Variants in COQ8A observed in about 807,000 individuals in gnomAD.
COQ8A encodes atypical kinase COQ8A, mitochondrial.
Under a neutral mutation model 65.0 loss-of-function variants are expected in COQ8A, and 51 were observed. That is an observed-to-expected ratio of 0.78 (90% CI 0.63 to 0.99). The LOEUF (loss-of-function observed/expected upper bound fraction) is 0.99. Ranked by LOEUF, COQ8A falls within the 50% of genes least tolerant of loss-of-function variation. COQ8A has a pLI of 0.00. For synonymous variants in COQ8A, 371 were observed against 353.2 expected (o/e 1.05, Z -0.57); for missense variants, 940 against 875.0 (o/e 1.07, Z -0.94).
intron 2 of COQ8A, among the ~76,000 whole-genome samples, chr1:226,963,614 TA>T (rs1658383967): frequency 6.6e-6 from 1 of 152,214 alleles, no homozygotes; most frequent in African/African-American, 2.4e-5. Context: ...TTTTATTTTT[TA>T]TTTTTTTGAG....
At chr1:226,977,614 C>T (rs1659320318) in intron 5 of COQ8A, 91 bp downstream of exon 5, 3 of 1,407,528 alleles carry the variant, frequency 2.1e-6, no homozygotes, top group Non-Finnish European at 2.9e-6. Flanking sequence ...CTGGGAGTGT[C>T]AGCCAGCTGG....
chr1:226,966,619 C>T (rs570799557), intron 4 of COQ8A, among the ~76,000 whole-genome samples: 2 of 152,134 alleles, frequency 1.3e-5, no homozygotes, highest in Admixed American at 1.3e-4. Context: ...CTGTAGGCAG[C>T]AGAGGTCTGA....
At chr1:226,940,757 A>G (rs2147988163) in intron 1 of COQ8A, among the ~76,000 whole-genome samples, 1 of 152,258 alleles carries the variant, frequency 6.6e-6, no homozygotes, top group East Asian at 1.9e-4. Context: ...TCGCCAATAC[A>G]GCTTTGATGC....
intron 5 of COQ8A, among the ~76,000 whole-genome samples, chr1:226,979,171 C>G (rs1659541366): frequency 6.6e-6 from 1 of 152,238 alleles, no homozygotes; most frequent in South Asian, 2.1e-4. Flanking sequence ...CAGGGTCAGG[C>G]AGGTGGTCAG....
chr1:226,985,224 C>T, intron 13 of COQ8A, 30 bp from the exon 14 acceptor site: 1 of 1,608,854 alleles, frequency 6.2e-7, no homozygotes, highest in Non-Finnish European at 8.5e-7. Flanking sequence ...TTTCATGCTG[C>T]CCACGGTCCC....
At chr1:226,960,078 TTGGTGG>T (rs1189308765) in intron 1 of COQ8A, among the ~76,000 whole-genome samples, 1 of 145,372 alleles carries the variant, frequency 6.9e-6, no homozygotes, top group Non-Finnish European at 1.5e-5. Context: ...GTGGTGGTAC[TTGGTGG>T]TGGTGGTGGT....
intron 4 of COQ8A, among the ~76,000 whole-genome samples, chr1:226,966,285 TG>T (rs1572048832): frequency 6.6e-6 from 1 of 152,326 alleles, no homozygotes; most frequent in East Asian, 1.9e-4. Flanking sequence ...GTCTGTACTT[TG>T]GGGGGTTGAG....
chr1:226,969,508 T>A (rs1300619673), intron 4 of COQ8A, among the ~76,000 whole-genome samples: 1 of 152,178 alleles, frequency 6.6e-6, no homozygotes, highest in African/African-American at 2.4e-5. Context: ...AGTGCTAGGA[T>A]TACAGGCGTG....
intron 1 of COQ8A, among the ~76,000 whole-genome samples, chr1:226,943,905 T>C (rs920840099): frequency 6.6e-6 from 1 of 151,434 alleles, no homozygotes; most frequent in African/African-American, 2.4e-5. Flanking sequence ...ACTTGGTTTG[T>C]TCTGGAAATG....
Position 226,978,818 on chromosome 1 carries a change from CCATGCACACACCTCCTTA to C in COQ8A, c.730+1298_730+1315del, listed in dbSNP as rs546692467. On this transcript the variant is annotated intron_variant, in intron 5 of 14. Coordinates refer to ENST00000366777, the MANE Select transcript of COQ8A (RefSeq NM_020247.5). ...ACCCGCACAGCTCCTTACACACCCT[CCATGCACACACCTCCTTA>C]CACACCCACCTCATACCTGCACACC... Among the ~76,000 whole-genome samples, 41 of 114,044 alleles carry C rather than the reference CCATGCACACACCTCCTTA, an allele frequency of 3.6e-4. 3 individuals carry two copies. Among genetic ancestry groups the C allele is most frequent in the Non-Finnish European group, 6.6e-4 (35 of 52,694 alleles). The allele number at this position is 114,044 out of a possible 152,430, so 74.8% of individuals were successfully genotyped here.
Position 226,982,149 on chromosome 1 carries a change from G to A in COQ8A, c.853G>A (p.Asp285Asn), listed in dbSNP as rs376555052. 4 of 1,586,610 alleles carry A rather than the reference G, an allele frequency of 2.5e-6. No individual in the cohort carries two copies. In the African/African-American group the frequency reaches 4.1e-5, roughly 16 times the overall value. Residue 285 changes from aspartate (D) to asparagine (N), a missense_variant and splice_region_variant, in exon 6 of 15, where the codon GAT (aspartate) becomes AAT (asparagine). Transcript: ENST00000366777. ...LKLGQMLSIQ[D>N]DAFINPHLAK... ...GCTGGGCCAGATGCTGAGCATCCAG[G>A]GTGAGTGGGCGCGGGGGCTGCTGCC...
At chr1:226,963,414 G>A (rs982944997) in intron 2 of COQ8A, among the ~76,000 whole-genome samples, 23 of 151,702 alleles carry the variant, frequency 1.5e-4, no homozygotes, top group Non-Finnish European at 8.8e-5. Context: ...TACTGAGTCC[G>A]GGTCCCTTCG....
chr1:226,978,041 C>G (rs1219802090), intron 5 of COQ8A, among the ~76,000 whole-genome samples: 19 of 147,820 alleles, frequency 1.3e-4, no homozygotes, highest in African/African-American at 3.6e-4. Flanking sequence ...ACCTTACACA[C>G]CCCTTGCACA....
rs1264592392 is a variant in COQ8A, at chr1:226,949,548, T to G, written c.-10+9149T>G. Among the ~76,000 whole-genome samples the G allele has an allele frequency of 6.6e-6, 1 of 152,138 alleles. No homozygotes were observed. The highest frequency in any genetic ancestry group is 2.4e-5 in the African/African-American group (1 of 41,452). The stretch of plus-strand genomic sequence containing the variant: ...GTTTCGAAGCAGGCTGCCAGCACTT[T>G]GGACTGCCTCTCCTGAATGATGCCT... On this transcript the variant is annotated intron_variant, in intron 1 of 14. Coordinates refer to ENST00000366777, the MANE Select transcript of COQ8A (RefSeq NM_020247.5). This position sits in a 1 kb window ranked among gnomAD's most constrained non-coding sequence, Gnocchi z 4.0.
chr1:226,962,050 T>C (rs533058832), intron 2 of COQ8A, among the ~76,000 whole-genome samples: 1 of 152,314 alleles, frequency 6.6e-6, no homozygotes, highest in Non-Finnish European at 1.5e-5. Context: ...TAGGTTTCAG[T>C]GTGTGCACTT....
Position 226,982,942 on chromosome 1 carries a change from T to C in COQ8A, c.988T>C (p.Tyr330His). ...CCCCAACTGGCGGGACAAGTTGGAATACTTCGAGGAGCGGCCCTTCGCCGC... is the reference window on the plus strand; with the variant it reads ...CCCCAACTGGCGGGACAAGTTGGAACACTTCGAGGAGCGGCCCTTCGCCGC... ...LGPNWRDKLE[Y>H]FEERPFAAAS... is the part of the protein sequence containing the mutation. The change falls in exon 8 of 15, where the codon TAC becomes CAC. Residue 330 changes from tyrosine (Y) to histidine (H), a missense_variant. Coordinates refer to ENST00000366777, the MANE Select transcript of COQ8A (RefSeq NM_020247.5). The C allele has an allele frequency of 1.2e-6, 2 of 1,611,292 alleles. No homozygotes were observed. Among genetic ancestry groups the C allele is most frequent in the South Asian group, 2.2e-5 (2 of 90,890 alleles).
At chr1:226,956,514 C>G (rs1657772754) in intron 1 of COQ8A, among the ~76,000 whole-genome samples, 1 of 111,454 alleles carries the variant, frequency 9.0e-6, no homozygotes, top group Non-Finnish European at 1.8e-5. Flanking sequence ...TCACACTCTC[C>G]CTGGCTCCCA....
intron 7 of COQ8A, 47 bp downstream of exon 7, chr1:226,982,810 C>A (rs1659786051): frequency 6.2e-7 from 1 of 1,612,798 alleles, no homozygotes; most frequent in African/African-American, 1.3e-5. Context: ...TCGGCCCCCA[C>A]TGGGTGGAGG....
At position 226,984,375 on chromosome 1, in the gene COQ8A, C is replaced by G. The variant is rs1572083888; in HGVS notation, c.1398+140C>G. The G allele has an allele frequency of 2.2e-6, 3 of 1,380,498 alleles. No homozygotes were observed. The East Asian group carries it at 7.2e-5, about 33-fold the overall frequency. The allele number at this position is 1,380,498 out of a possible 1,614,324, so 85.5% of individuals were successfully genotyped here. On this transcript the variant is annotated intron_variant, in intron 11 of 14. Coordinates refer to ENST00000366777, the MANE Select transcript of COQ8A (RefSeq NM_020247.5). ...GGGCAGTGAAGTAGCACCAGTGGGA[C>G]TTAGGGGGACACAGGGGAGCTGCTG...
Sources: gnomAD v4.1 joint callset for allele counts (sites outside exome capture counted in the v4.1 genomes callset) on GRCh38, gnomAD v4.1.1 for gene constraint, Gnocchi (gnomAD v3.1) non-coding constraint, MANE v1.5 for transcripts, NCBI Gene and HGNC (gene_info 2026-07-23, HGNC 2026-07-21) for gene names.